RAPGEF5: variants seen among roughly 807,000 people sequenced by gnomAD.
RAPGEF5 encodes the protein Rap guanine nucleotide exchange factor 5, also known as M-Ras-regulated GEF.
RAPGEF5 carries 65 observed loss-of-function variants against 125.2 expected under a neutral mutation model. That is an observed-to-expected ratio of 0.52 (90% confidence interval 0.43 to 0.64). The LOEUF is 0.64. Among genes scored for constraint, RAPGEF5 ranks in the 30% least tolerant of loss-of-function variants. RAPGEF5 has a pLI of 0.00. For synonymous variants in RAPGEF5, 391 were observed against 385.9 expected, an observed-to-expected ratio of 1.01 and a Z score of -0.16; for missense variants, 958 against 1,048.1, an observed-to-expected ratio of 0.91 and a Z score of 1.19.
At chr7:22,304,169 T>C (rs1337338105) in intron 5 of RAPGEF5, among the ~76,000 whole-genome samples, 5 of 151,864 alleles carry the variant, frequency 3.3e-5, no homozygotes, top group Middle Eastern at 3.4e-3. Context: ...CTTATGATGG[T>C]AGTATTGAAA....
intron 7 of RAPGEF5, among the ~76,000 whole-genome samples, chr7:22,244,062 C>T (rs955691404): frequency 2.6e-5 from 4 of 152,248 alleles, no homozygotes; most frequent in South Asian, 2.1e-4. Context: ...TCTTTCTGTG[C>T]CTGGCTTATT....
intron 7 of RAPGEF5, among the ~76,000 whole-genome samples, chr7:22,258,004 C>T (rs1445845010): frequency 1.3e-5 from 2 of 152,082 alleles, no homozygotes; most frequent in East Asian, 3.9e-4. Flanking sequence ...ATAGACAAAA[C>T]AGTCATCATT....
intron 12 of RAPGEF5, among the ~76,000 whole-genome samples, chr7:22,164,443 A>AT (rs1784099712): frequency 6.6e-6 from 1 of 152,092 alleles, no homozygotes; most frequent in African/African-American, 2.4e-5. Flanking sequence ...AAGAAATGCA[A>AT]TTTTTTAGGT....
chr7:22,355,854 G>C (rs1450244611), intron 1 of RAPGEF5: 22 of 706,630 alleles, frequency 3.1e-5, no homozygotes, highest in Non-Finnish European at 3.6e-5. Flanking sequence ...GCAAGGTCTT[G>C]TTTTAAGTCA....
intron 9 of RAPGEF5, among the ~76,000 whole-genome samples, chr7:22,211,294 T>C (rs1785501920): frequency 6.6e-6 from 1 of 152,212 alleles, no homozygotes; most frequent in Non-Finnish European, 1.5e-5. Flanking sequence ...TCACCAAACT[T>C]TGGCTGAATC....
At chr7:22,192,971 C>T in intron 11 of RAPGEF5, 1 of 224,694 alleles carries the variant, frequency 4.5e-6, no homozygotes, top group Non-Finnish European at 8.8e-6. Context: ...AGCACGGAGG[C>T]TGCTGCCCCC....
At chr7:22,211,881 A>G (rs1005227620) in intron 9 of RAPGEF5, among the ~76,000 whole-genome samples, 1 of 150,366 alleles carries the variant, frequency 6.7e-6, no homozygotes, top group Non-Finnish European at 1.5e-5. Context: ...CACAGTCCAC[A>G]CTTAGGCTCC....
At chr7:22,160,440 GTA>G in intron 14 of RAPGEF5, 76 bp downstream of exon 14, 1 of 1,374,442 alleles carries the variant, frequency 7.3e-7, no homozygotes, top group South Asian at 1.4e-5. Flanking sequence ...CAACTTTTAT[GTA>G]TAAGGCATTC....
chr7:22,274,452 C>G (rs1782510447), intron 6 of RAPGEF5, among the ~76,000 whole-genome samples: 1 of 152,164 alleles, frequency 6.6e-6, no homozygotes, highest in Admixed American at 6.5e-5. Context: ...GCCTCAGCCT[C>G]CCGAGTACCT....
At chr7:22,172,605 G>A (rs1784384412) in intron 11 of RAPGEF5, among the ~76,000 whole-genome samples, 2 of 152,130 alleles carry the variant, frequency 1.3e-5, no homozygotes, top group African/African-American at 4.8e-5. Flanking sequence ...TGCTAGAGTT[G>A]TGTCAAGATA....
At chr7:22,186,822 G>GA (rs1300788678) in intron 11 of RAPGEF5, among the ~76,000 whole-genome samples, 1 of 152,174 alleles carries the variant, frequency 6.6e-6, no homozygotes, top group Non-Finnish European at 1.5e-5. Flanking sequence ...ACCACTGAGG[G>GA]AAAATTGCTG....
chr7:22,213,219 G>T (rs949285991), intron 9 of RAPGEF5, among the ~76,000 whole-genome samples: 5 of 152,234 alleles, frequency 3.3e-5, no homozygotes, highest in African/African-American at 4.8e-5. Flanking sequence ...CTAATGAGCA[G>T]ATGGTTCCAC....
chr7:22,278,328 C>T (rs958052720), intron 6 of RAPGEF5, among the ~76,000 whole-genome samples: 5 of 152,158 alleles, frequency 3.3e-5, no homozygotes, highest in African/African-American at 9.7e-5. Flanking sequence ...ATTATCAAGA[C>T]GTCCATAAGT....
intron 24 of RAPGEF5, among the ~76,000 whole-genome samples, chr7:22,128,116 C>G (rs1782805860): frequency 6.6e-6 from 1 of 152,096 alleles, no homozygotes; most frequent in Non-Finnish European, 1.5e-5. Context: ...TGATGTAAGG[C>G]TGGGTAGTGG....
rs748388251 is a variant in RAPGEF5 at position 22,193,908 on chromosome 7, C to CT, written c.1115+6dup. ...GCGTGCCTCTGTGGCTGCAGGGAAA[C>CT]TCTCACCTCCAATGGCTCTCCGCAC... is the stretch of plus-strand genomic sequence containing the variant. On this transcript the variant is annotated splice_region_variant and intron_variant, in intron 10 of 25. Transcript: ENST00000665637. 1.3e-5 allele frequency: 21 copies of CT among 1,613,134 alleles called. No individual in the cohort carries two copies. Among genetic ancestry groups the CT allele is most frequent in the Non-Finnish European group, 1.5e-5 (18 of 1,179,588 alleles).
chr7:22,228,973 G>T (rs1210569570), intron 8 of RAPGEF5, among the ~76,000 whole-genome samples: 3 of 152,076 alleles, frequency 2.0e-5, no homozygotes, highest in African/African-American at 7.2e-5. Context: ...TCAACCTCAG[G>T]ACAAGCTTAT....
intron 6 of RAPGEF5, among the ~76,000 whole-genome samples, chr7:22,271,989 T>A (rs771050010): frequency 3.9e-5 from 6 of 152,136 alleles, no homozygotes; most frequent in Non-Finnish European, 8.8e-5. Flanking sequence ...TGAGAAGACA[T>A]GAGCAGGCTT....
intron 6 of RAPGEF5, among the ~76,000 whole-genome samples, chr7:22,268,097 T>C (rs1782327535): frequency 6.6e-6 from 1 of 152,248 alleles, no homozygotes; most frequent in Non-Finnish European, 1.5e-5. Context: ...TTGTCCCATC[T>C]GTCTTTATTG....
chr7:22,151,148 T>C (rs1033775322), intron 17 of RAPGEF5, among the ~76,000 whole-genome samples: 2 of 152,210 alleles, frequency 1.3e-5, no homozygotes, highest in Admixed American at 6.5e-5. Context: ...TGGCATGATG[T>C]GTGCTAAGTA....
Sources: allele counts gnomAD v4.1 joint callset (sites outside exome capture counted in the v4.1 genomes callset), GRCh38; gene constraint gnomAD v4.1.1; transcripts MANE v1.5; gene names NCBI Gene and HGNC (gene_info 2026-07-23, HGNC 2026-07-21).